The following SLC44A1 variants were observed in gnomAD, a reference collection of about 807,000 sequenced individuals.
SLC44A1 encodes solute carrier family 44 member 1, also known as choline transporter-like protein 1.
SLC44A1 carries 26 observed loss-of-function variants against 79.3 expected under a neutral mutation model. The observed-to-expected ratio is 0.33, with a 90% CI of 0.24 to 0.46. The LOEUF is 0.46. Ranked by LOEUF, SLC44A1 falls within the 20% of genes least tolerant of loss-of-function variation. The pLI, the probability that SLC44A1 is intolerant of heterozygous loss-of-function variation, is 1.00. For missense variants in SLC44A1, 688 were observed against 798.1 expected (o/e 0.86, Z 1.66); for synonymous variants, 263 against 286.2 (o/e 0.92, Z 0.82).
intron 9 of SLC44A1, among the ~76,000 whole-genome samples, chr9:105,364,126 A>G (rs1384350991): frequency 6.6e-6 from 1 of 152,324 alleles, no homozygotes; most frequent in Non-Finnish European, 1.5e-5. Context: ...TATCATAAGG[A>G]TAGTAAACTT....
chr9:105,343,218 C>T (rs1178843243), intron 4 of SLC44A1, among the ~76,000 whole-genome samples: 1 of 151,872 alleles, frequency 6.6e-6, no homozygotes, highest in African/African-American at 2.4e-5. Context: ...AAAAAGCACT[C>T]CCATTTATGA....
chr9:105,283,650 ATTAT>A (rs1386856958), intron 1 of SLC44A1, among the ~76,000 whole-genome samples: 1 of 152,208 alleles, frequency 6.6e-6, no homozygotes, highest in Non-Finnish European at 1.5e-5. Context: ...CCAAATTATT[ATTAT>A]TTAAGAACTA....
chr9:105,412,993 T>C (rs946552001), intron 15 of SLC44A1, among the ~76,000 whole-genome samples: 4 of 152,092 alleles, frequency 2.6e-5, no homozygotes, highest in Non-Finnish European at 5.9e-5. Flanking sequence ...AGATATCTAC[T>C]GGGAAAAGAG....
chr9:105,277,454 A>G (rs545636754), intron 1 of SLC44A1, among the ~76,000 whole-genome samples: 41 of 152,300 alleles, frequency 2.7e-4, no homozygotes, highest in African/African-American at 9.6e-4. Context: ...CTGGGTTTCA[A>G]AGAAAATCTC....
At chr9:105,400,536 T>C (rs943374936), downstream of SLC44A1, among the ~76,000 whole-genome samples, 6 of 151,816 alleles carry the variant, frequency 4.0e-5, no homozygotes, top group African/African-American at 1.5e-4. Flanking sequence ...AACATGTCAA[T>C]GTTTATTGGC....
At chr9:105,363,099 G>A (rs1827831352) in intron 9 of SLC44A1, 92 bp downstream of exon 9, 3 of 977,078 alleles carry the variant, frequency 3.1e-6, no homozygotes, top group African/African-American at 1.7e-5. Flanking sequence ...TCAGACATTT[G>A]TTGATGAAGG....
chr9:105,424,910 G>A (rs1158625128), intron 15 of SLC44A1, among the ~76,000 whole-genome samples: 1 of 145,980 alleles, frequency 6.9e-6, no homozygotes, highest in Non-Finnish European at 1.5e-5. Flanking sequence ...TCAGACCATT[G>A]CACACTCCAG....
At chr9:105,260,095 C>A (rs770300507) in intron 1 of SLC44A1, among the ~76,000 whole-genome samples, 2 of 152,062 alleles carry the variant, frequency 1.3e-5, no homozygotes, top group Non-Finnish European at 2.9e-5. Context: ...GGATTTCTCC[C>A]AAGTATGTGC....
chr9:105,313,586 C>T (rs1199767578), intron 3 of SLC44A1, among the ~76,000 whole-genome samples: 5 of 151,976 alleles, frequency 3.3e-5, no homozygotes, highest in Non-Finnish European at 5.9e-5. Flanking sequence ...TTGCTGGCTG[C>T]CATTTTTTTG....
intron 12 of SLC44A1, among the ~76,000 whole-genome samples, chr9:105,368,448 A>G (rs184233157): frequency 2.0e-5 from 3 of 152,294 alleles, no homozygotes; most frequent in South Asian, 2.1e-4. Context: ...AATGTGGTCA[A>G]CACAACTCTG....
chr9:105,346,723 ATATT>A (rs1429015660), intron 4 of SLC44A1, among the ~76,000 whole-genome samples: 14 of 152,292 alleles, frequency 9.2e-5, no homozygotes, highest in East Asian at 3.9e-4. Context: ...GAAGAGTTAA[ATATT>A]TAATATTCAT....
intron 2 of SLC44A1, among the ~76,000 whole-genome samples, chr9:105,308,546 G>T (rs1831092529): frequency 6.6e-6 from 1 of 152,170 alleles, no homozygotes; most frequent in Non-Finnish European, 1.5e-5. Context: ...CCTGCACAAT[G>T]AAAGTACAGG....
At chr9:105,317,931 C>T (rs1310938463) in intron 3 of SLC44A1, among the ~76,000 whole-genome samples, 1 of 152,110 alleles carries the variant, frequency 6.6e-6, no homozygotes, top group Non-Finnish European at 1.5e-5. Flanking sequence ...TGCTCTAAGC[C>T]TTTGATGAAT....
chr9:105,432,867 T>G (rs1424390936), intron 15 of SLC44A1, among the ~76,000 whole-genome samples: 1 of 152,136 alleles, frequency 6.6e-6, no homozygotes, highest in Non-Finnish European at 1.5e-5. Context: ...GGCTTCCATT[T>G]GACACTGTAA....
Position 105,392,290 on chromosome 9 carries a change from T to G in SLC44A1, c.*3234T>G, listed in dbSNP as rs998281064. 1 of 984,222 alleles carries G rather than the reference T, an allele frequency of 1.0e-6. No individual in the cohort carries two copies. The highest frequency in any genetic ancestry group is 1.7e-5 in the African/African-American group (1 of 57,212). The allele number at this position is 984,222 out of a possible 1,614,324, so 61.0% of individuals were successfully genotyped here. ...CTACAACTTAAGTAGCTTAACTGTATGTTGGTACCCAAACTTTTTCTATAA... is the reference window on the plus strand; with the variant it reads ...CTACAACTTAAGTAGCTTAACTGTAGGTTGGTACCCAAACTTTTTCTATAA... On this transcript the variant is annotated 3_prime_UTR_variant, in exon 16 of 16. Transcript: ENST00000374720.
chr9:105,284,957 G>T (rs750737078), intron 1 of SLC44A1, among the ~76,000 whole-genome samples: 13 of 152,090 alleles, frequency 8.5e-5, no homozygotes, highest in Non-Finnish European at 8.8e-5. Context: ...CCCACTTTCT[G>T]TCTCTATAGA....
At chr9:105,351,093 G>A (rs1006362784) in intron 5 of SLC44A1, among the ~76,000 whole-genome samples, 2 of 152,184 alleles carry the variant, frequency 1.3e-5, no homozygotes, top group Non-Finnish European at 2.9e-5. Flanking sequence ...TGCTTACAGT[G>A]CTTTTAGAAA....
rs146235622 is a variant in SLC44A1 at position 105,257,342 on chromosome 9, C to T, written c.36+12438C>T. On this transcript the variant is annotated intron_variant, in intron 1 of 15. Coordinates refer to ENST00000374720, the MANE Select transcript of SLC44A1 (RefSeq NM_080546.5). ...AACTCCTGACCTCAGATGGTCTGCC[C>T]GCCTTGGCCTCCCAAAGTGCCGAGA... 6.9e-3 allele frequency among the ~76,000 whole-genome samples: 1,045 copies of T among 152,220 alleles called. 11 individuals are homozygous for T. The highest frequency in any genetic ancestry group is 0.023 in the African/African-American group (964 of 41,520).
intron 3 of SLC44A1, among the ~76,000 whole-genome samples, chr9:105,318,940 C>T (rs1306630096): frequency 6.6e-6 from 1 of 152,138 alleles, no homozygotes; most frequent in African/African-American, 2.4e-5. Flanking sequence ...TCTGAAGTCT[C>T]ACTACTTGAG....
Sources: allele counts gnomAD v4.1 joint callset (sites outside exome capture counted in the v4.1 genomes callset), GRCh38; gene constraint gnomAD v4.1.1; transcripts MANE v1.5; gene names NCBI Gene and HGNC (gene_info 2026-07-23, HGNC 2026-07-21).